Variants in RIMS1 observed in about 807,000 individuals in gnomAD.
RIMS1 encodes regulating synaptic membrane exocytosis protein 1.
A neutral mutation model predicts 214.1 loss-of-function variants in RIMS1; 83 were observed. The observed-to-expected ratio is 0.39, with a 90% CI of 0.32 to 0.47. The LOEUF is 0.47. Ranked by LOEUF, RIMS1 falls within the 20% of genes least tolerant of loss-of-function variation. The probability of loss-of-function intolerance (pLI) is 0.99; values close to 1 mark genes in which losing one functional copy is unlikely to be tolerated. For synonymous variants in RIMS1, 793 were observed against 786.8 expected (o/e 1.01, Z -0.13); for missense variants, 2,050 against 2,161.8 (o/e 0.95, Z 1.03).
chr6:71,961,400 CTCTT>C (rs543481768), intron 1 of RIMS1, among the ~76,000 whole-genome samples: 3 of 152,114 alleles, frequency 2.0e-5, no homozygotes, highest in East Asian at 3.9e-4. Context: ...CTTCTCTCCT[CTCTT>C]TCTGTATCTT....
intron 1 of RIMS1, among the ~76,000 whole-genome samples, chr6:71,896,293 C>T (rs1771751016): frequency 1.3e-5 from 2 of 152,074 alleles, no homozygotes; most frequent in South Asian, 4.1e-4. Context: ...TCTGCATACC[C>T]TAGGTCAAAT....
intron 6 of RIMS1, among the ~76,000 whole-genome samples, chr6:72,212,063 T>C (rs2053910305): frequency 6.6e-6 from 1 of 152,130 alleles, no homozygotes; most frequent in Admixed American, 6.6e-5. Context: ...GATTGTGTTA[T>C]TTTTGCTATT....
rs528860021 is a variant in RIMS1 at position 72,393,353 on chromosome 6, AT to A, written c.4618+546del. ...CAGCTTGAAGACACAACATAGTGGA[AT>A]TTCACAATACTGAGGCTTGATAGAA... On this transcript the variant is annotated intron_variant, in intron 31 of 33. Coordinates refer to ENST00000521978, the MANE Select transcript of RIMS1 (RefSeq NM_014989.7). Among the ~76,000 whole-genome samples, 181 of 152,334 alleles carry A rather than the reference AT, an allele frequency of 1.2e-3. 1 individual carries two copies. The highest frequency in any genetic ancestry group is 4.0e-3 in the African/African-American group (165 of 41,588).
rs759206263 is a variant in RIMS1, at chr6:71,969,008, C to G, written c.190C>G (p.Pro64Ala). The change falls in exon 2 of 34, where the codon CCT becomes GCT. Residue 64 changes from proline to alanine, a missense_variant. Physicochemically the swap from Pro to Ala is conservative, Grantham distance 27. Coordinates refer to ENST00000521978, the MANE Select transcript of RIMS1 (RefSeq NM_014989.7). ...GTGTGTTGTCAGGGACATGGCGAAG[C>G]CTGCTGCCTGCAAAACACCAAGAAA... ...LKCVVRDMAK[P>A]AACKTPRNAE... The G allele has an allele frequency of 3.1e-6, 5 of 1,614,010 alleles. No individual in the cohort carries two copies. The highest frequency in any genetic ancestry group is 2.2e-5 in the East Asian group (1 of 44,878).
At chr6:72,382,598 A>C (rs768282103) in intron 29 of RIMS1, among the ~76,000 whole-genome samples, 15 of 152,206 alleles carry the variant, frequency 9.9e-5, no homozygotes, top group Non-Finnish European at 1.8e-4. Flanking sequence ...CTACAACATC[A>C]GTTCAAATGA....
intron 29 of RIMS1, among the ~76,000 whole-genome samples, chr6:72,370,674 A>G (rs1175147285): frequency 1.3e-5 from 2 of 152,168 alleles, no homozygotes; most frequent in Non-Finnish European, 2.9e-5. Context: ...CTGCATATAT[A>G]TTTGGGGAGT....
At chr6:72,233,942 G>A in intron 7 of RIMS1, 102 bp downstream of exon 7, 1 of 723,876 alleles carries the variant, frequency 1.4e-6, no homozygotes, top group South Asian at 2.0e-5. Flanking sequence ...CATTTGGTAA[G>A]GGCAAATATT....
At chr6:71,933,155 A>T (rs1163726540) in intron 1 of RIMS1, among the ~76,000 whole-genome samples, 1 of 152,200 alleles carries the variant, frequency 6.6e-6, no homozygotes, top group Non-Finnish European at 1.5e-5. Context: ...AGGATAGAAC[A>T]GGAAGCAGTG....
At chr6:72,302,383 A>G (rs1291373293) in intron 26 of RIMS1, among the ~76,000 whole-genome samples, 1 of 151,756 alleles carries the variant, frequency 6.6e-6, no homozygotes, top group African/African-American at 2.4e-5. Flanking sequence ...TAGTTTATAC[A>G]TTAAATATTT....
chr6:72,255,009 G>A (rs1293657935), intron 16 of RIMS1, among the ~76,000 whole-genome samples: 1 of 98,146 alleles, frequency 1.0e-5, no homozygotes, highest in African/African-American at 3.6e-5. Flanking sequence ...AATATTTTAT[G>A]TTTCAAAGAT....
At chr6:72,038,118 A>AAAAAATAT (rs1820399900) in intron 2 of RIMS1, among the ~76,000 whole-genome samples, 2 of 13,418 alleles carry the variant, frequency 1.5e-4, no homozygotes, top group Non-Finnish European at 1.2e-4. Context: ...AAAAAAAAAA[A>AAAAAATAT]ATATATATAT....
intron 7 of RIMS1, 114 bp from the exon 8 acceptor site, chr6:72,235,504 A>G (rs2063662823): frequency 1.5e-6 from 1 of 646,194 alleles, no homozygotes; most frequent in Middle Eastern, 3.0e-4. Context: ...CACTTAACAT[A>G]ATGTTCTGCA....
intron 6 of RIMS1, chr6:72,217,111 G>C (rs1330875184): frequency 3.1e-5 from 47 of 1,528,282 alleles, no homozygotes; most frequent in Non-Finnish European, 4.0e-5. Context: ...ATTGTGTTGT[G>C]CATTTGCTGC....
At chr6:72,347,847 A>G (rs1260587976) in intron 29 of RIMS1, among the ~76,000 whole-genome samples, 1 of 151,918 alleles carries the variant, frequency 6.6e-6, no homozygotes, top group Non-Finnish European at 1.5e-5. Flanking sequence ...TTTAAGTCCT[A>G]TAAGACTTTT....
intron 29 of RIMS1, among the ~76,000 whole-genome samples, chr6:72,362,045 G>A (rs915531465): frequency 6.6e-6 from 1 of 151,032 alleles, no homozygotes; most frequent in Admixed American, 6.6e-5. Context: ...CAAATTAATG[G>A]TTTTATTTCC....
At chr6:72,175,814 A>G (rs1488526924) in intron 4 of RIMS1, among the ~76,000 whole-genome samples, 1 of 152,112 alleles carries the variant, frequency 6.6e-6, no homozygotes, top group African/African-American at 2.4e-5. Flanking sequence ...CCACTTGAAT[A>G]CCTTTTTAGT....
chr6:72,158,215 G>C (rs1245807077), intron 4 of RIMS1, among the ~76,000 whole-genome samples: 1 of 139,856 alleles, frequency 7.2e-6, no homozygotes, highest in African/African-American at 2.5e-5. Context: ...TTCACTTTTT[G>C]TTTGAATCAA....
intron 2 of RIMS1, among the ~76,000 whole-genome samples, chr6:72,085,126 A>G (rs1477449378): frequency 6.6e-6 from 1 of 152,160 alleles, no homozygotes; most frequent in African/African-American, 2.4e-5. Context: ...CTGTGACAGA[A>G]TTGAATGCAA....
chr6:72,194,360 C>A lies in RIMS1; in HGVS notation c.1678+11211C>A, dbSNP rs139638337. Among the ~76,000 whole-genome samples the A allele has an allele frequency of 1.4e-4, 22 of 152,122 alleles. 1 individual carries two copies. In the East Asian group the frequency reaches 4.2e-3, roughly 29 times the overall value. On this transcript the variant is annotated intron_variant, in intron 6 of 33. Coordinates refer to ENST00000521978, the MANE Select transcript of RIMS1 (RefSeq NM_014989.7). Reference sequence around the variant, plus strand: ...GTTAAACATTTAACACAGTACCTGGCATATGGTAACTACTTAATATATGTG... The same window carrying A: ...GTTAAACATTTAACACAGTACCTGGAATATGGTAACTACTTAATATATGTG...
Sources: allele counts gnomAD v4.1 joint callset (sites outside exome capture counted in the v4.1 genomes callset), GRCh38; gene constraint gnomAD v4.1.1; transcripts MANE v1.5; gene names NCBI Gene and HGNC (gene_info 2026-07-23, HGNC 2026-07-21).